Variants in BCL2L12 observed in about 807,000 individuals in gnomAD.
The protein encoded by BCL2L12 is BCL2 like 12.
In BCL2L12, 27 loss-of-function variants were observed where a neutral mutation model predicts 25.7. The ratio of observed to expected loss-of-function variants is 1.05; its 90% confidence interval spans 0.78 to 1.45. BCL2L12 has a LOEUF of 1.45. BCL2L12 is among the 40% of genes most tolerant of loss of function. The pLI, the probability that BCL2L12 is intolerant of heterozygous loss-of-function variation, is 0.00. For synonymous variants in BCL2L12, 132 were observed against 145.6 expected (o/e 0.91, Z 0.67); for missense variants, 302 against 329.8 (o/e 0.92, Z 0.65).
chr19:49,670,040 CG>C (rs2081921045), intron 5 of BCL2L12, among the ~76,000 whole-genome samples, 175 bp from the exon 6 acceptor site: 1 of 152,092 alleles, frequency 6.6e-6, no homozygotes, highest in Admixed American at 6.5e-5. Context: ...GCCACTATCC[CG>C]GGGGTAGTTT....
Position 49,666,117 on chromosome 19 carries a change from C to T in BCL2L12, c.-9+50C>T. ...GGGGTGAGGAGGGAAGAGGAGGGGG[C>T]CGGGATCCAGTGGTGGGCACCCCAG... On this transcript the variant is annotated intron_variant, in intron 1 of 6. Transcript: ENST00000246784. The T allele has an allele frequency of 2.0e-6, 3 of 1,515,600 alleles. No homozygotes were observed. In the South Asian group the frequency reaches 3.7e-5, roughly 19 times the overall value. 93.9% of individuals were successfully genotyped at this position (1,515,600 alleles called of 1,614,324 possible).
chr19:49,673,642 C>T (rs2082005070), intron 6 of BCL2L12, 56 bp from the exon 7 acceptor site: 1 of 1,423,960 alleles, frequency 7.0e-7, no homozygotes, highest in East Asian at 2.3e-5. Flanking sequence ...GTGGACGCTG[C>T]TGTATGGGGG....
intron 5 of BCL2L12, among the ~76,000 whole-genome samples, chr19:49,669,876 T>C (rs777094881): frequency 2.0e-5 from 3 of 152,034 alleles, no homozygotes; most frequent in Non-Finnish European, 4.4e-5. Context: ...TTAATATTAA[T>C]TGAATGGTAG....
intron 1 of BCL2L12, among the ~76,000 whole-genome samples, chr19:49,666,454 C>T (rs1325207798): frequency 6.6e-6 from 1 of 152,182 alleles, no homozygotes; most frequent in Non-Finnish European, 1.5e-5. Context: ...CTCCTTTAGA[C>T]CCACGAATCT....
Position 49,670,491 on chromosome 19 carries a change from G to A in BCL2L12, c.702+3G>A. The A allele has an allele frequency of 6.5e-7, 1 of 1,537,296 alleles. No individual in the cohort carries two copies. The highest frequency in any genetic ancestry group is 8.7e-7 in the Non-Finnish European group (1 of 1,144,176). On this transcript the variant is annotated splice_donor_region_variant and intron_variant, in intron 6 of 6. Transcript: ENST00000246784. The stretch of plus-strand genomic sequence containing the variant: ...GGATCCAGGCCCACGGGGGCTGGGT[G>A]AGCCGCTGAAGCCTCTCTCTCCGGG...
In BCL2L12 at chr19:49,666,018, G is replaced by C. The variant is rs560898780; in HGVS notation, c.-58G>C. 1.3e-6 allele frequency: 2 copies of C among 1,581,780 alleles called. No individual in the cohort carries two copies. Among genetic ancestry groups the C allele is most frequent in the South Asian group, 1.1e-5 (1 of 88,464 alleles). On this transcript the variant is annotated 5_prime_UTR_variant, in exon 1 of 7. Coordinates refer to ENST00000246784, the MANE Select transcript of BCL2L12 (RefSeq NM_138639.2). ...TAATAAAGTTTGTACGAGTTCAGTG[G>C]AGGAGACCGCAAGTTGAGTGGAGGA...
upstream of BCL2L12, chr19:49,665,830 C>T (rs778534728): frequency 2.5e-6 from 4 of 1,590,478 alleles, no homozygotes; most frequent in African/African-American, 2.7e-5. Flanking sequence ...GCCGATGGGA[C>T]GGCCCGCTGG....
Position 49,669,040 on chromosome 19 carries a change from A to G in BCL2L12, c.354A>G (p.Pro118=), listed in dbSNP as rs536151637. The G allele has an allele frequency of 4.3e-6, 7 of 1,614,134 alleles. No individual in the cohort carries two copies. Among genetic ancestry groups the G allele is most frequent in the Admixed American group, 1.7e-5 (1 of 60,016 alleles). The part of the protein sequence containing the change: ...SPPSPELQGP[P]STEKEAILRR... ...TGCCTCCAGAATTACAGGGTCCCCC[A>G]TCGACAGAGAAGGAAGCCATACTGC... is the stretch of plus-strand genomic sequence containing the variant. Residue 118 remains proline, a synonymous_variant, in exon 5 of 7, where the codon CCA becomes CCG. Coordinates refer to ENST00000246784, the MANE Select transcript of BCL2L12 (RefSeq NM_138639.2).
chr19:49,665,945 G>A lies in BCL2L12; in HGVS notation c.-131G>A, dbSNP rs761874395. 4 of 1,613,584 alleles carry A rather than the reference G, an allele frequency of 2.5e-6. No homozygotes were observed. In the Admixed American group the frequency reaches 5.0e-5, roughly 20 times the overall value. On this transcript the variant is annotated 5_prime_UTR_variant, in exon 1 of 7. Coordinates refer to ENST00000246784, the MANE Select transcript of BCL2L12 (RefSeq NM_138639.2). ...CCCAGCGTTCCGCCCTTTCTACGCT[G>A]GGCCGGTTATCGACCCGGCCCAGTG...
Position 49,665,933 on chromosome 19 carries a change from C to G in BCL2L12, c.-143C>G, listed in dbSNP as rs138111341. On this transcript the variant is annotated 5_prime_UTR_variant, in exon 1 of 7. Coordinates refer to ENST00000246784, the MANE Select transcript of BCL2L12 (RefSeq NM_138639.2). ...ATTGAGCGTGCACCCAGCGTTCCGC[C>G]CTTTCTACGCTGGGCCGGTTATCGA... 11 of 1,613,690 alleles carry G rather than the reference C, an allele frequency of 6.8e-6. No homozygotes were observed. The East Asian group carries it at 1.1e-4, about 16-fold the overall frequency.
chr19:49,671,418 C>A (rs2081959684), intron 6 of BCL2L12, among the ~76,000 whole-genome samples: 1 of 152,164 alleles, frequency 6.6e-6, no homozygotes, highest in African/African-American at 2.4e-5. Context: ...TGCACTCCAG[C>A]CTGGGCAACA....
intron 6 of BCL2L12, among the ~76,000 whole-genome samples, chr19:49,671,920 G>A (rs1303567667): frequency 1.3e-5 from 2 of 152,016 alleles, no homozygotes; most frequent in Admixed American, 6.6e-5. Flanking sequence ...CCCTCCCACC[G>A]CCCTCCTTCC....
chr19:49,669,604 T>G (rs2081910228), intron 5 of BCL2L12, among the ~76,000 whole-genome samples: 1 of 151,246 alleles, frequency 6.6e-6, no homozygotes, highest in Non-Finnish European at 1.5e-5. Flanking sequence ...TACCGTAAAT[T>G]AGTTGTTTTA....
At chr19:49,669,308 G>A in intron 5 of BCL2L12, 193 bp downstream of exon 5, 1 of 1,135,886 alleles carries the variant, frequency 8.8e-7, no homozygotes, top group Non-Finnish European at 1.2e-6. Flanking sequence ...GGCCGAGTTG[G>A]GTGGATGACT....
Position 49,669,101 on chromosome 19 carries a change from G to A in BCL2L12, c.415G>A (p.Val139Ile), listed in dbSNP as rs771620703. The change falls in exon 5 of 7, where the codon GTC becomes ATC. Residue 139 changes from valine (V) to isoleucine (I), a missense_variant. Transcript: ENST00000246784. ...LVALLEEEAE[V>I]INQKLASDPA... ...GGCCCTGCTGGAGGAGGAGGCAGAA[G>A]TCATTAACCAGAAGGTGATGGGCAT... The A allele has an allele frequency of 1.9e-6, 3 of 1,613,944 alleles. No homozygotes were observed. The highest frequency in any genetic ancestry group is 1.3e-5 in the African/African-American group (1 of 74,944).
chr19:49,671,030 C>T (rs543590544), intron 6 of BCL2L12, among the ~76,000 whole-genome samples: 6 of 152,052 alleles, frequency 3.9e-5, no homozygotes, highest in Non-Finnish European at 4.4e-5. Flanking sequence ...GGCGCGGTGG[C>T]AGGTGCCTGT....
At chr19:49,665,927 T>A (rs376704095), upstream of BCL2L12, 7 of 1,613,672 alleles carry the variant, frequency 4.3e-6, no homozygotes, top group African/African-American at 1.3e-5. Context: ...GCACCCAGCG[T>A]TCCGCCCTTT....
intron 5 of BCL2L12, 22 bp downstream of exon 5, chr19:49,669,137 C>A: frequency 6.2e-7 from 1 of 1,612,056 alleles, no homozygotes; most frequent in Non-Finnish European, 8.5e-7. Context: ...CTGTCCCACT[C>A]CTTGGCAAGG....
At chr19:49,669,416 A>G (rs1160946942) in intron 5 of BCL2L12, among the ~76,000 whole-genome samples, 4 of 151,926 alleles carry the variant, frequency 2.6e-5, no homozygotes, top group Non-Finnish European at 4.4e-5. Context: ...CGCTTCTGTA[A>G]TCCCAGCTAC....
Sources: allele counts gnomAD v4.1 joint callset (sites outside exome capture counted in the v4.1 genomes callset), GRCh38; gene constraint gnomAD v4.1.1; transcripts MANE v1.5; gene names NCBI Gene and HGNC (gene_info 2026-07-23, HGNC 2026-07-21).